LAMC2: variants seen among roughly 807,000 people sequenced by gnomAD.
LAMC2 encodes laminin subunit gamma-2.
In LAMC2, 97 loss-of-function variants were observed where a neutral mutation model predicts 140.2. That is an observed-to-expected ratio of 0.69 (90% confidence interval 0.59 to 0.82). The LOEUF is 0.82. Ranked by LOEUF, LAMC2 falls within the 40% of genes least tolerant of loss-of-function variation. The pLI is 0.00. For missense variants in LAMC2, 1,402 were observed against 1,476.1 expected, an observed-to-expected ratio of 0.95 and a Z score of 0.82; for synonymous variants, 513 against 540.2, an observed-to-expected ratio of 0.95 and a Z score of 0.70.
chr1:183,203,932 G>A (rs1477073440), intron 1 of LAMC2, among the ~76,000 whole-genome samples: 1 of 152,182 alleles, frequency 6.6e-6, no homozygotes, highest in African/African-American at 2.4e-5. Flanking sequence ...CTCTGGAGGG[G>A]AGATGCTGGC....
Position 183,207,820 on chromosome 1 carries a change from A to C in LAMC2, c.80-61A>C. On this transcript the variant is annotated intron_variant, in intron 1 of 22. Transcript: ENST00000264144. ...CAATAATAACATAAACACCTGCTAG[A>C]ACAGTTCCTGAGGTGTTTTTTTTTT... 4.5e-6 allele frequency: 6 copies of C among 1,344,402 alleles called. No homozygotes were observed. The East Asian group carries it at 1.4e-4, about 31-fold the overall frequency. The allele number at this position is 1,344,402 out of a possible 1,614,324, so 83.3% of individuals were successfully genotyped here.
chr1:183,204,375 T>A (rs1291976149), intron 1 of LAMC2, among the ~76,000 whole-genome samples: 1 of 151,742 alleles, frequency 6.6e-6, no homozygotes, highest in South Asian at 2.1e-4. Context: ...GTAGGCGGAT[T>A]GCTTGAATCC....
intron 20 of LAMC2, chr1:183,239,814 A>C (rs1660075293): frequency 1.5e-6 from 1 of 649,340 alleles, no homozygotes; most frequent in African/African-American, 1.8e-5. Flanking sequence ...ACTGAGAGAG[A>C]AGCACTGTCT....
At chr1:183,198,767 T>C (rs1360646842) in intron 1 of LAMC2, among the ~76,000 whole-genome samples, 4 of 152,210 alleles carry the variant, frequency 2.6e-5, no homozygotes, top group African/African-American at 9.6e-5. Flanking sequence ...CTAGGCTCGC[T>C]GCCCGTTGAG....
At chr1:183,234,334 G>T (rs776476096) in intron 14 of LAMC2, 33 bp from the exon 15 acceptor site, 2 of 1,563,212 alleles carry the variant, frequency 1.3e-6, no homozygotes, top group African/African-American at 1.4e-5. Context: ...AGCCTTAACC[G>T]ATTCGCCTTA....
At position 183,243,307 on chromosome 1, in the gene LAMC2, AGATGG is replaced by A; in HGVS notation, c.3493_3497del (p.Gly1165SerfsTer3). 1.2e-6 allele frequency: 2 copies of A among 1,614,218 alleles called. No individual in the cohort carries two copies. The highest frequency in any genetic ancestry group is 1.7e-6 in the Non-Finnish European group (2 of 1,180,030). ...ACCTCCATTTGCTGGAGACAAGCAT[AGATGG>A]GATTCTGGCTGATGTGAAGAACTTG... On this transcript the variant is annotated frameshift_variant, in exon 23 of 23. Transcript: ENST00000264144. LOFTEE classifies it high-confidence loss of function.
At chr1:183,237,574 A>G (rs2102248916) in intron 18 of LAMC2, 70 bp downstream of exon 18, 4 of 1,377,002 alleles carry the variant, frequency 2.9e-6, no homozygotes, top group South Asian at 2.4e-5. Flanking sequence ...AAATATGGCA[A>G]GAAGAATAAT....
intron 2 of LAMC2, among the ~76,000 whole-genome samples, chr1:183,214,028 A>G (rs1302265646): frequency 7.0e-6 from 1 of 142,574 alleles, no homozygotes; most frequent in Admixed American, 7.0e-5. Context: ...CAGGAGCAAA[A>G]CTTCGTCTCA....
chr1:183,190,532 A>G (rs1013954883), intron 1 of LAMC2, among the ~76,000 whole-genome samples: 7 of 151,842 alleles, frequency 4.6e-5, no homozygotes, highest in Non-Finnish European at 8.8e-5. Context: ...AGATTCAGCA[A>G]ATCTATTGCT....
chr1:183,227,762 T>C (rs1659674517), intron 10 of LAMC2, 65 bp downstream of exon 10: 1 of 1,443,066 alleles, frequency 6.9e-7, no homozygotes, highest in Non-Finnish European at 9.7e-7. Flanking sequence ...TGTGTGCAAA[T>C]AGCTTCCATT....
intron 22 of LAMC2, among the ~76,000 whole-genome samples, chr1:183,242,209 T>G (rs916232010): frequency 1.3e-5 from 2 of 152,194 alleles, no homozygotes; most frequent in Admixed American, 6.5e-5. Flanking sequence ...CTTACTTAAC[T>G]TCCTCTGCAT....
chr1:183,201,859 G>T (rs1658716164), intron 1 of LAMC2, among the ~76,000 whole-genome samples: 1 of 152,154 alleles, frequency 6.6e-6, no homozygotes, highest in Non-Finnish European at 1.5e-5. Context: ...CAAAATAAAA[G>T]AATTATGGGC....
In LAMC2 at chr1:183,232,331, C is replaced by A. The variant is rs755448775; in HGVS notation, c.2002C>A (p.Gln668Lys). 6.2e-7 allele frequency: 1 copy of A among 1,613,984 alleles called. No individual in the cohort carries two copies. Among genetic ancestry groups the A allele is most frequent in the East Asian group, 2.2e-5 (1 of 44,882 alleles). ...CCTTCAGGACATTCTGAGAGATGCC[C>A]AGATTTCAGAAGGTGATGAAGGCCA... ...QALQDILRDAQISEGASRSLG... is the reference protein window; with the variant it reads ...QALQDILRDAKISEGASRSLG... Residue 668 changes from glutamine (Q) to lysine (K), a missense_variant, in exon 13 of 23, where the codon CAG becomes AAG. Physicochemically the swap from Gln to Lys is moderately conservative, Grantham distance 53. Coordinates refer to ENST00000264144, the MANE Select transcript of LAMC2 (RefSeq NM_005562.3).
chr1:183,235,127 G>A (rs1452944367), intron 15 of LAMC2, among the ~76,000 whole-genome samples: 1 of 152,128 alleles, frequency 6.6e-6, no homozygotes, highest in Non-Finnish European at 1.5e-5. Context: ...AGAACCAGGA[G>A]GAACCAAAAG....
intron 2 of LAMC2, among the ~76,000 whole-genome samples, chr1:183,215,021 ACC>A (rs1435294356): frequency 1.3e-5 from 2 of 152,166 alleles, no homozygotes; most frequent in African/African-American, 4.8e-5. Context: ...TAAAAATCAT[ACC>A]ACATAAGCAC....
Position 183,227,697 on chromosome 1 carries a change from G to A in LAMC2, c.1468G>A (p.Gly490Ser), listed in dbSNP as rs765281348. 1.7e-5 allele frequency: 27 copies of A among 1,613,874 alleles called. No individual in the cohort carries two copies. The highest frequency in any genetic ancestry group is 1.1e-4 in the East Asian group (5 of 44,882). The part of the protein sequence containing the change: ...VCNNCPPGVT[G>S]ARCELCADGY... ...CAATAACTGCCCTCCCGGGGTCACC[G>A]GTAAGGCCATGGGTCTGCTCTGCCA... The change falls in exon 10 of 23, where the codon GGT (glycine) becomes AGT (serine). Residue 490 changes from glycine to serine, a missense_variant and splice_region_variant. Around this residue, in one of 3 missense-constraint regions of LAMC2, gnomAD observed 723 missense variants for 783.3 expected, o/e 0.92. Transcript: ENST00000264144.
At chr1:183,206,651 C>CAAAAAA (rs34536054) in intron 1 of LAMC2, among the ~76,000 whole-genome samples, 1 of 125,978 alleles carries the variant, frequency 7.9e-6, no homozygotes, top group Non-Finnish European at 1.7e-5. Flanking sequence ...GACTTGGTCT[C>CAAAAAA]AAAAAAAAAA....
intron 1 of LAMC2, among the ~76,000 whole-genome samples, chr1:183,199,498 C>G (rs1274442660): frequency 4.0e-5 from 6 of 151,702 alleles, no homozygotes; most frequent in Non-Finnish European, 7.4e-5. Context: ...CCCTCATTCC[C>G]TCCCTCAATT....
chr1:183,206,651 CAAAAA>C (rs34536054), intron 1 of LAMC2, among the ~76,000 whole-genome samples: 1 of 125,996 alleles, frequency 7.9e-6, no homozygotes, highest in Non-Finnish European at 1.7e-5. Context: ...GACTTGGTCT[CAAAAA>C]AAAAAAAAAA....
Sources: gnomAD v4.1 joint callset for allele counts (sites outside exome capture counted in the v4.1 genomes callset) on GRCh38, gnomAD v4.1.1 for gene constraint, gnomAD v4.1.1 regional missense constraint, MANE v1.5 for transcripts, NCBI Gene and HGNC (gene_info 2026-07-23, HGNC 2026-07-21) for gene names.